NAALAD2: variants seen among roughly 807,000 people sequenced by gnomAD.
NAALAD2 encodes N-acetylated-alpha-linked acidic dipeptidase 2.
A neutral mutation model predicts 95.6 loss-of-function variants in NAALAD2; 89 were observed. The observed-to-expected ratio is 0.93, with a 90% CI of 0.78 to 1.11. The LOEUF (loss-of-function observed/expected upper bound fraction) is 1.11, where lower values mean the gene tolerates loss of function less well. Ranked by LOEUF, NAALAD2 falls within the 50% of genes least tolerant of loss-of-function variation. The probability of loss-of-function intolerance (pLI) is 0.00; values close to 1 mark genes in which losing one functional copy is unlikely to be tolerated. For synonymous variants in NAALAD2, 264 were observed against 294.4 expected (o/e 0.90, Z 1.06); for missense variants, 894 against 872.4 (o/e 1.02, Z -0.31).
chr11:90,138,125 T>C (rs1951498426), intron 2 of NAALAD2, among the ~76,000 whole-genome samples: 1 of 152,196 alleles, frequency 6.6e-6, no homozygotes, highest in Non-Finnish European at 1.5e-5. Context: ...ATTTTGTATA[T>C]GTATTATATG....
chr11:90,158,823 C>T, intron 7 of NAALAD2: 1 of 202,524 alleles, frequency 4.9e-6, no homozygotes, highest in Non-Finnish European at 9.9e-6. Context: ...ATGTGTATTA[C>T]AACTTAATAA....
At chr11:90,157,922 T>C (rs1412613555) in intron 6 of NAALAD2, among the ~76,000 whole-genome samples, 1 of 152,116 alleles carries the variant, frequency 6.6e-6, no homozygotes, top group East Asian at 1.9e-4. Context: ...GGTTTCACCA[T>C]GTTGGCCAGG....
intron 16 of NAALAD2, among the ~76,000 whole-genome samples, chr11:90,180,195 A>G (rs1257942941): frequency 6.6e-6 from 1 of 152,098 alleles, no homozygotes; most frequent in East Asian, 1.9e-4. Context: ...TGCTCTTGCA[A>G]AAGTCGTCAT....
In NAALAD2 at chr11:90,143,600, G is replaced by T. The variant is rs1160877234; in HGVS notation, c.195-3730G>T. Among the ~76,000 whole-genome samples, 3 of 152,024 alleles carry T rather than the reference G, an allele frequency of 2.0e-5. No individual in the cohort carries two copies. The South Asian group carries it at 6.2e-4, about 32-fold the overall frequency. ...TTTATGTCTTCTATTAATTTAGAAA[G>T]GTCTTGTTTACTATTTCTTAAAATA... On this transcript the variant is annotated intron_variant, in intron 2 of 18. Coordinates refer to ENST00000534061, the MANE Select transcript of NAALAD2 (RefSeq NM_005467.4).
In NAALAD2 at chr11:90,192,246, T is replaced by TA. The variant is rs1309346759; in HGVS notation, c.*502dup. On this transcript the variant is annotated 3_prime_UTR_variant, in exon 19 of 19. Coordinates refer to ENST00000534061, the MANE Select transcript of NAALAD2 (RefSeq NM_005467.4). Reference sequence around the variant, plus strand: ...AAATGTCCATCCACAGACGAATGTATAAACTGTGGTATCCATTACACAATA... The same window carrying TA: ...AAATGTCCATCCACAGACGAATGTATAAAACTGTGGTATCCATTACACAATA... 1 of 151,994 alleles carries TA rather than the reference T, an allele frequency of 6.6e-6. No homozygotes were observed. The allele number at this position is 151,994 out of a possible 1,614,324, so 9.4% of individuals were successfully genotyped here.
intron 5 of NAALAD2, among the ~76,000 whole-genome samples, chr11:90,151,232 G>A (rs967534257): frequency 1.3e-5 from 2 of 152,062 alleles, no homozygotes; most frequent in African/African-American, 4.8e-5. Flanking sequence ...TATAAAATGC[G>A]AATGACGAGG....
At chr11:90,177,348 C>G (rs1402010210) in intron 15 of NAALAD2, among the ~76,000 whole-genome samples, 1 of 149,440 alleles carries the variant, frequency 6.7e-6, no homozygotes, top group Non-Finnish European at 1.5e-5. Flanking sequence ...TGATAGATAA[C>G]TTTGAACTAT....
intron 11 of NAALAD2, among the ~76,000 whole-genome samples, chr11:90,166,333 GCGAA>G (rs1460499734): frequency 2.0e-5 from 3 of 152,094 alleles, no homozygotes; most frequent in African/African-American, 7.2e-5. Context: ...GAGAGAGAGA[GCGAA>G]AGAGTCTTAT....
chr11:90,161,065 A>T, intron 8 of NAALAD2, among the ~76,000 whole-genome samples: 1 of 152,202 alleles, frequency 6.6e-6, no homozygotes, highest in Non-Finnish European at 1.5e-5. Flanking sequence ...AGAAAAAATA[A>T]AGCTAGAGAT....
At chr11:90,158,566 T>C (rs2134901318) in intron 7 of NAALAD2, 1 of 234,886 alleles carries the variant, frequency 4.3e-6, no homozygotes, top group Non-Finnish European at 8.2e-6. Context: ...ACGTCTAGTA[T>C]AAGAATATGA....
chr11:90,182,160 C>A (rs533509758), intron 17 of NAALAD2, among the ~76,000 whole-genome samples: 2 of 152,082 alleles, frequency 1.3e-5, no homozygotes, highest in South Asian at 4.1e-4. Flanking sequence ...TTTAGAAATT[C>A]TTTTTTCATG....
rs1242969059 is a variant in NAALAD2, at chr11:90,166,835, CAAAAAAA to C, written c.1279-2083_1279-2077del. On this transcript the variant is annotated intron_variant, in intron 11 of 18. Coordinates refer to ENST00000534061, the MANE Select transcript of NAALAD2 (RefSeq NM_005467.4). ...GGGCAAAAGAGCAAGATTCTGTCTC[CAAAAAAA>C]AAAAAAAAAAGAAAATGCAGATTTC... Among the ~76,000 whole-genome samples, 18 of 64,722 alleles carry C rather than the reference CAAAAAAA, an allele frequency of 2.8e-4. No homozygotes were observed. The South Asian group carries it at 4.8e-3, about 17-fold the overall frequency. The allele number at this position is 64,722 out of a possible 152,430, so 42.5% of individuals were successfully genotyped here.
intron 2 of NAALAD2, among the ~76,000 whole-genome samples, chr11:90,145,605 C>T (rs1951732459): frequency 1.3e-5 from 2 of 152,010 alleles, no homozygotes; most frequent in African/African-American, 4.8e-5. Context: ...CTGATACCTG[C>T]AGTTTTCATT....
At chr11:90,166,596 G>A (rs1952454401) in intron 11 of NAALAD2, among the ~76,000 whole-genome samples, 1 of 152,206 alleles carries the variant, frequency 6.6e-6, no homozygotes, top group African/African-American at 2.4e-5. Flanking sequence ...AGCACTTTGG[G>A]AGGCCAAGGC....
intron 13 of NAALAD2, among the ~76,000 whole-genome samples, chr11:90,171,414 C>G (rs1324877123): frequency 1.3e-5 from 2 of 152,158 alleles, no homozygotes; most frequent in Non-Finnish European, 2.9e-5. Flanking sequence ...TGTCTTTGAT[C>G]CTTTCATTGG....
chr11:90,174,704 CTTAAA>C (rs1230804032), intron 14 of NAALAD2, among the ~76,000 whole-genome samples: 1 of 151,662 alleles, frequency 6.6e-6, no homozygotes, highest in Non-Finnish European at 1.5e-5. Flanking sequence ...CAGCAGCTTT[CTTAAA>C]TTTATTTTAT....
intron 2 of NAALAD2, 141 bp downstream of exon 2, chr11:90,135,811 T>A (rs1951442496): frequency 1.9e-5 from 10 of 537,510 alleles, no homozygotes; most frequent in Admixed American, 1.1e-4. Context: ...TTTTTTTTTT[T>A]AATGTCTCTT....
intron 18 of NAALAD2, among the ~76,000 whole-genome samples, chr11:90,184,452 C>A (rs1380641104): frequency 6.6e-6 from 1 of 151,970 alleles, no homozygotes; most frequent in African/African-American, 2.4e-5. Context: ...AATAAAAACA[C>A]AAATGTTTGT....
At chr11:90,133,489 A>C (rs1008700418), upstream of NAALAD2, among the ~76,000 whole-genome samples, 2 of 135,740 alleles carry the variant, frequency 1.5e-5, no homozygotes, top group African/African-American at 6.0e-5. Flanking sequence ...CACAAAAGGC[A>C]GACTATTAGA....
Sources: allele counts gnomAD v4.1 joint callset (sites outside exome capture counted in the v4.1 genomes callset), GRCh38; gene constraint gnomAD v4.1.1; transcripts MANE v1.5; gene names NCBI Gene and HGNC (gene_info 2026-07-23, HGNC 2026-07-21).